Variants in PHYHD1 observed in about 807,000 individuals in gnomAD.
PHYHD1 encodes phytanoyl-CoA dioxygenase domain containing 1, also known as phytanoyl-CoA dioxygenase domain-containing protein 1.
A neutral mutation model predicts 43.6 loss-of-function variants in PHYHD1; 42 were observed. That is an observed-to-expected ratio of 0.96 (90% CI 0.75 to 1.25). The LOEUF (loss-of-function observed/expected upper bound fraction) is 1.25, where lower values mean the gene tolerates loss of function less well. Among genes scored for constraint, PHYHD1 ranks in the 50% most tolerant of loss-of-function variants. The pLI, the probability that PHYHD1 is intolerant of heterozygous loss-of-function variation, is 0.00. For missense variants in PHYHD1, 342 were observed against 370.8 expected, an observed-to-expected ratio of 0.92 and a Z score of 0.64; for synonymous variants, 139 against 143.6, an observed-to-expected ratio of 0.97 and a Z score of 0.23.
chr9:128,937,291 T>C (rs1398001420), intron 8 of PHYHD1, among the ~76,000 whole-genome samples: 6 of 151,578 alleles, frequency 4.0e-5, no homozygotes, highest in Non-Finnish European at 7.4e-5. Flanking sequence ...AATTTGGTGG[T>C]AGGAGGGAGG....
Position 128,938,432 on chromosome 9 carries a change from T to A in PHYHD1, c.457+654T>A, listed in dbSNP as rs1037597596. 4.6e-5 allele frequency among the ~76,000 whole-genome samples: 7 copies of A among 152,264 alleles called. No homozygotes were observed. In the East Asian group the frequency reaches 1.2e-3, roughly 25 times the overall value. ...GGCCTGGGAATCTGTTTTTTGGGTTTTTTTTTGAGACAGAGTTTCATTCTT... is the reference window on the plus strand; with the variant it reads ...GGCCTGGGAATCTGTTTTTTGGGTTATTTTTTGAGACAGAGTTTCATTCTT... On this transcript the variant is annotated intron_variant, in intron 9 of 12. Transcript: ENST00000372592.
At chr9:128,926,032 C>G (rs1350049736) in intron 3 of PHYHD1, among the ~76,000 whole-genome samples, 2 of 152,200 alleles carry the variant, frequency 1.3e-5, no homozygotes, top group Non-Finnish European at 2.9e-5. Context: ...TAATGCCGGT[C>G]TCTTTCACTA....
rs1314192683 is a variant in PHYHD1, at chr9:128,932,171, TA to T, written c.193-1610del. Among the ~76,000 whole-genome samples the T allele has an allele frequency of 8.9e-4, 105 of 118,336 alleles. 2 individuals carry two copies. The highest frequency in any genetic ancestry group is 3.0e-3 in the African/African-American group (87 of 28,796). The allele number at this position is 118,336 out of a possible 152,430, so 77.6% of individuals were successfully genotyped here. ...GTTCTATTATTATTATTATTATTGT[TA>T]TTATTATTATTATTTTTTTTTTTTG... On this transcript the variant is annotated intron_variant, in intron 4 of 12. Transcript: ENST00000372592.
chr9:128,937,061 G>A (rs1841441233), intron 8 of PHYHD1, among the ~76,000 whole-genome samples: 1 of 152,058 alleles, frequency 6.6e-6, no homozygotes, highest in African/African-American at 2.4e-5. Context: ...GTTACAGTGA[G>A]TGGAGATCAC....
chr9:128,928,328 A>G (rs1841189123), intron 4 of PHYHD1, among the ~76,000 whole-genome samples: 1 of 152,166 alleles, frequency 6.6e-6, no homozygotes, highest in Non-Finnish European at 1.5e-5. Context: ...GGTTCCTAGG[A>G]GTAAGAAGGG....
chr9:128,935,323 C>G (rs988153268), intron 6 of PHYHD1, among the ~76,000 whole-genome samples: 1 of 152,078 alleles, frequency 6.6e-6, no homozygotes, highest in Non-Finnish European at 1.5e-5. Flanking sequence ...GTAAAATACA[C>G]GTAAGATTTA....
intron 1 of PHYHD1, 42 bp downstream of exon 1, chr9:128,921,710 C>G (rs1841002398): frequency 6.6e-6 from 1 of 152,360 alleles, no homozygotes; most frequent in Non-Finnish European, 1.5e-5. Flanking sequence ...GCCCCTTCCT[C>G]CTACTAAGAT....
intron 4 of PHYHD1, among the ~76,000 whole-genome samples, chr9:128,930,279 CAAA>C (rs771000299): frequency 1.1e-5 from 1 of 92,188 alleles, no homozygotes. Flanking sequence ...AACCCTGTCT[CAAA>C]AAAAAAAAAA....
At chr9:128,932,861 T>TTATTTATC (rs1318496708) in intron 4 of PHYHD1, among the ~76,000 whole-genome samples, 2 of 145,450 alleles carry the variant, frequency 1.4e-5, no homozygotes, top group Admixed American at 1.4e-4. Flanking sequence ...ATTTATTTAT[T>TTATTTATC]TTTTGAGACA....
chr9:128,936,565 A>G lies in PHYHD1; in HGVS notation c.373-18A>G. The G allele has an allele frequency of 1.9e-6, 3 of 1,601,004 alleles. No individual in the cohort carries two copies. The South Asian group carries it at 3.4e-5, about 18-fold the overall frequency. On this transcript the variant is annotated intron_variant, in intron 7 of 12. Transcript: ENST00000372592. ...CCATGTGTGGCAGGCTGGCAGCATGACCTTTGCCCCCCTCCAGACCTTGGC... is the reference window on the plus strand; with the variant it reads ...CCATGTGTGGCAGGCTGGCAGCATGGCCTTTGCCCCCCTCCAGACCTTGGC...
chr9:128,925,246 G>A (rs970666904), intron 3 of PHYHD1, among the ~76,000 whole-genome samples: 1 of 148,976 alleles, frequency 6.7e-6, no homozygotes, highest in Non-Finnish European at 1.5e-5. Flanking sequence ...TTTTTTTTGA[G>A]ATGAAGTCTT....
At chr9:128,927,007 G>A (rs755307092) in intron 3 of PHYHD1, 31 bp from the exon 4 acceptor site, 6 of 1,613,848 alleles carry the variant, frequency 3.7e-6, no homozygotes, top group Non-Finnish European at 5.1e-6. Flanking sequence ...TTTGCAGACT[G>A]GGGAAGCCTG....
chr9:128,935,205 T>C (rs1398097405), intron 6 of PHYHD1, among the ~76,000 whole-genome samples: 1 of 152,214 alleles, frequency 6.6e-6, no homozygotes, highest in Non-Finnish European at 1.5e-5. Flanking sequence ...TCCTCCTGCC[T>C]TGGCCTCTCA....
At chr9:128,933,650 C>A in intron 4 of PHYHD1, 132 bp from the exon 5 acceptor site, 1 of 943,120 alleles carries the variant, frequency 1.1e-6, no homozygotes, top group Non-Finnish European at 1.7e-6. Flanking sequence ...CCTCAGTGGA[C>A]AAGTCTGAGA....
chr9:128,936,575 C>T lies in PHYHD1; in HGVS notation c.373-8C>T, dbSNP rs1432145488. The T allele has an allele frequency of 1.9e-6, 3 of 1,592,946 alleles. No homozygotes were observed. The highest frequency in any genetic ancestry group is 2.6e-6 in the Non-Finnish European group (3 of 1,169,360). ...CAGGCTGGCAGCATGACCTTTGCCC[C>T]CCTCCAGACCTTGGCCAGAAGTCTG... is the stretch of plus-strand genomic sequence containing the variant. On this transcript the variant is annotated splice_region_variant and splice_polypyrimidine_tract_variant and intron_variant, in intron 7 of 12. Transcript: ENST00000372592.
At chr9:128,926,415 CCA>C (rs1220513179) in intron 3 of PHYHD1, among the ~76,000 whole-genome samples, 1 of 151,662 alleles carries the variant, frequency 6.6e-6, no homozygotes, top group Non-Finnish European at 1.5e-5. Flanking sequence ...CCACACCTGG[CCA>C]AGTTTTTGTA....
At chr9:128,934,886 G>A (rs991983875) in intron 6 of PHYHD1, among the ~76,000 whole-genome samples, 1 of 152,030 alleles carries the variant, frequency 6.6e-6, no homozygotes, top group Non-Finnish European at 1.5e-5. Flanking sequence ...TCATGACACT[G>A]CTGCCACAGC....
Position 128,940,257 on chromosome 9 carries a change from G to A in PHYHD1, c.458-112G>A, listed in dbSNP as rs1841522941. 3 of 1,479,454 alleles carry A rather than the reference G, an allele frequency of 2.0e-6. No homozygotes were observed. The East Asian group carries it at 6.9e-5, about 34-fold the overall frequency. The allele number at this position is 1,479,454 out of a possible 1,614,324, so 91.6% of individuals were successfully genotyped here. A position where few individuals can be genotyped will look rare whatever the true frequency, so the allele number is the denominator to read the frequency against. ...AAGTGATGAGATTCTAACTGATCAT[G>A]GGAAGGCTGGCCCTGGAGAGCACCC... On this transcript the variant is annotated intron_variant, in intron 9 of 12. Coordinates refer to ENST00000372592, the MANE Select transcript of PHYHD1 (RefSeq NM_001100876.2).
rs1298158803 is a variant in PHYHD1 at position 128,932,188 on chromosome 9, T to A, written c.193-1594T>A. On this transcript the variant is annotated intron_variant, in intron 4 of 12. Transcript: ENST00000372592. ...ATTATTGTTATTATTATTATTATTT[T>A]TTTTTTTTGAGATGGAGTCTCGCAC... Among the ~76,000 whole-genome samples, 359 of 139,878 alleles carry A rather than the reference T, an allele frequency of 2.6e-3. 6 individuals carry two copies. Among genetic ancestry groups the A allele is most frequent in the African/African-American group, 9.7e-3 (345 of 35,658 alleles). 91.8% of individuals were successfully genotyped at this position (139,878 alleles called of 152,430 possible).
Sources: allele counts gnomAD v4.1 joint callset (sites outside exome capture counted in the v4.1 genomes callset), GRCh38; gene constraint gnomAD v4.1.1; transcripts MANE v1.5; gene names NCBI Gene and HGNC (gene_info 2026-07-23, HGNC 2026-07-21).